The following OSBPL8 variants were observed in gnomAD, a reference collection of about 807,000 sequenced individuals.
The protein encoded by OSBPL8 is oxysterol-binding protein-related protein 8.
In OSBPL8, 59 loss-of-function variants were observed where a neutral mutation model predicts 125.5. The ratio of observed to expected loss-of-function variants is 0.47; its 90% CI spans 0.38 to 0.58. The LOEUF is 0.58. Ranked by LOEUF, OSBPL8 falls within the 20% of genes least tolerant of loss-of-function variation. The pLI is 0.00. For synonymous variants in OSBPL8, 330 were observed against 338.9 expected (o/e 0.97, Z 0.29); for missense variants, 758 against 1,047.8 (o/e 0.72, Z 3.82).
At chr12:76,553,197 C>CACAG (rs1555243910) in intron 1 of OSBPL8, among the ~76,000 whole-genome samples, 2 of 151,514 alleles carry the variant, frequency 1.3e-5, no homozygotes, top group East Asian at 1.9e-4. Flanking sequence ...AATATACCAA[C>CACAG]ATAGATTCCA....
intron 1 of OSBPL8, among the ~76,000 whole-genome samples, chr12:76,502,742 G>T (rs74327229): frequency 6.6e-6 from 1 of 152,160 alleles, no homozygotes; most frequent in East Asian, 1.9e-4. Flanking sequence ...CAAAAGCCAT[G>T]ACCAGTTGAG....
chr12:76,403,497 C>G (rs898700850), intron 5 of OSBPL8, among the ~76,000 whole-genome samples: 4 of 152,048 alleles, frequency 2.6e-5, no homozygotes, highest in Admixed American at 2.0e-4. Flanking sequence ...ATTAACATTG[C>G]GGAGATCAGA....
intron 1 of OSBPL8, among the ~76,000 whole-genome samples, chr12:76,510,878 T>C (rs1474570713): frequency 2.5e-5 from 3 of 121,344 alleles, no homozygotes; most frequent in Non-Finnish European, 5.5e-5. Context: ...TGAAACCCCA[T>C]CTCAAAAAAA....
intron 1 of OSBPL8, among the ~76,000 whole-genome samples, chr12:76,533,683 T>C (rs755369879): frequency 9.2e-5 from 14 of 152,306 alleles, no homozygotes; most frequent in Admixed American, 2.0e-4. Context: ...TCCACCTCAT[T>C]ACCTACCGGT....
intron 2 of OSBPL8, among the ~76,000 whole-genome samples, chr12:76,485,465 C>T (rs947808869): frequency 5.9e-5 from 9 of 151,974 alleles, no homozygotes; most frequent in Non-Finnish European, 8.8e-5. Context: ...CCCAGCTACT[C>T]AGGAGGCTGA....
At position 76,499,275 on chromosome 12, in the gene OSBPL8, T is replaced by G. The variant is rs141816028; in HGVS notation, c.-67-11657A>C. 4.6e-5 allele frequency among the ~76,000 whole-genome samples: 7 copies of G among 151,240 alleles called. No individual in the cohort carries two copies. In the East Asian group the frequency reaches 1.4e-3, roughly 30 times the overall value. ...CTGCAGACAGCCTGTTGTGGGACCT[T>G]GTGATCATGTAAGTTAATACTTAAT... On this transcript the variant is annotated intron_variant, in intron 1 of 23. Coordinates refer to ENST00000261183, the MANE Select transcript of OSBPL8 (RefSeq NM_020841.5).
chr12:76,358,879 T>TC, intron 21 of OSBPL8, 68 bp from the exon 22 acceptor site: 1 of 1,186,212 alleles, frequency 8.4e-7, no homozygotes, highest in Non-Finnish European at 1.3e-6. Context: ...CTGTGTACAA[T>TC]TGTCAAAATT....
intron 1 of OSBPL8, among the ~76,000 whole-genome samples, chr12:76,533,638 C>T (rs1849269444): frequency 6.6e-6 from 1 of 152,154 alleles, no homozygotes; most frequent in African/African-American, 2.4e-5. Flanking sequence ...AGGCGAGAAA[C>T]TCAAGCGCTC....
intron 4 of OSBPL8, among the ~76,000 whole-genome samples, chr12:76,417,585 T>C (rs1868853438): frequency 6.6e-6 from 1 of 152,214 alleles, no homozygotes; most frequent in African/African-American, 2.4e-5. Context: ...TTCTTCTGAC[T>C]TACTTTCCTC....
chr12:76,540,844 C>T (rs576286396), intron 1 of OSBPL8, among the ~76,000 whole-genome samples: 2 of 152,250 alleles, frequency 1.3e-5, no homozygotes, highest in African/African-American at 4.8e-5. Context: ...CAAATGTGGT[C>T]TTCCCTTAAG....
intron 4 of OSBPL8, among the ~76,000 whole-genome samples, chr12:76,422,289 A>G (rs1181217910): frequency 1.3e-5 from 2 of 152,192 alleles, no homozygotes; most frequent in African/African-American, 4.8e-5. Flanking sequence ...TAAGCACTCA[A>G]GATTCCTACT....
chr12:76,419,309 A>T (rs1052841898), intron 4 of OSBPL8, among the ~76,000 whole-genome samples: 9 of 152,222 alleles, frequency 5.9e-5, no homozygotes, highest in African/African-American at 2.2e-4. Flanking sequence ...CCTGTTACAT[A>T]ACACATTGCA....
At chr12:76,371,800 G>T (rs1012314052) in intron 18 of OSBPL8, 15 of 338,740 alleles carry the variant, frequency 4.4e-5, no homozygotes, top group Non-Finnish European at 7.1e-5. Flanking sequence ...TAATTAAAAA[G>T]AATTTGGTTG....
intron 1 of OSBPL8, among the ~76,000 whole-genome samples, chr12:76,532,451 G>A (rs951737233): frequency 2.6e-5 from 4 of 152,152 alleles, no homozygotes; most frequent in Non-Finnish European, 4.4e-5. Flanking sequence ...TACAATGAAT[G>A]CTTATATGTA....
chr12:76,406,580 A>G (rs550263172), intron 5 of OSBPL8, among the ~76,000 whole-genome samples: 3 of 152,336 alleles, frequency 2.0e-5, no homozygotes, highest in South Asian at 4.1e-4. Flanking sequence ...ACTCATTCAT[A>G]CAATGAAAAA....
At chr12:76,409,389 C>T (rs976838594) in intron 5 of OSBPL8, among the ~76,000 whole-genome samples, 1 of 152,168 alleles carries the variant, frequency 6.6e-6, no homozygotes, top group Admixed American at 6.6e-5. Context: ...AACCTTTGTC[C>T]AATCATACTT....
intron 2 of OSBPL8, among the ~76,000 whole-genome samples, chr12:76,480,872 G>A (rs1056425696): frequency 6.6e-6 from 1 of 152,182 alleles, no homozygotes; most frequent in Non-Finnish European, 1.5e-5. Flanking sequence ...CTTCTGTAGT[G>A]AAAGGGGCTC....
intron 17 of OSBPL8, 90 bp downstream of exon 17, chr12:76,375,183 C>G: frequency 1.2e-6 from 1 of 842,200 alleles, no homozygotes. Flanking sequence ...ACATTTAGTC[C>G]TTAATTAGGA....
intron 4 of OSBPL8, among the ~76,000 whole-genome samples, chr12:76,412,243 C>G (rs559720295): frequency 1.4e-4 from 22 of 152,084 alleles, no homozygotes; most frequent in Middle Eastern, 6.8e-3. Flanking sequence ...AAAAAAAGTA[C>G]GTACCATATG....
Sources: allele counts gnomAD v4.1 joint callset (sites outside exome capture counted in the v4.1 genomes callset), GRCh38; gene constraint gnomAD v4.1.1; transcripts MANE v1.5; gene names NCBI Gene and HGNC (gene_info 2026-07-23, HGNC 2026-07-21).